The following NTNG1 variants were observed in gnomAD, a reference collection of about 807,000 sequenced individuals.
NTNG1 encodes netrin-G1.
NTNG1 carries 16 observed loss-of-function variants against 54.0 expected under a neutral mutation model. The observed-to-expected ratio is 0.30, with a 90% CI of 0.20 to 0.45. The LOEUF (loss-of-function observed/expected upper bound fraction) is 0.45, where lower values mean the gene tolerates loss of function less well. NTNG1 is among the 20% of genes least tolerant of loss of function. The pLI is 1.00. For synonymous variants in NTNG1, 255 were observed against 263.1 expected (o/e 0.97, Z 0.30); for missense variants, 530 against 678.7 (o/e 0.78, Z 2.43).
chr1:107,374,866 G>A (rs1427140908), intron 3 of NTNG1, among the ~76,000 whole-genome samples: 1 of 151,472 alleles, frequency 6.6e-6, no homozygotes, highest in Non-Finnish European at 1.5e-5. Context: ...TAAGTTATTT[G>A]GAAACTGTTA....
At chr1:107,384,197 T>C (rs2088796445) in intron 3 of NTNG1, among the ~76,000 whole-genome samples, 1 of 152,182 alleles carries the variant, frequency 6.6e-6, no homozygotes, top group South Asian at 2.1e-4. Flanking sequence ...TACTCTAGCC[T>C]CCCTTGCAAG....
intron 2 of NTNG1, among the ~76,000 whole-genome samples, chr1:107,292,277 T>C (rs1665655892): frequency 6.6e-6 from 1 of 152,038 alleles, no homozygotes; most frequent in Non-Finnish European, 1.5e-5. Flanking sequence ...CAGATGAAAA[T>C]TCGACTGAGG....
At chr1:107,200,489 C>T (rs1284056233) in intron 2 of NTNG1, among the ~76,000 whole-genome samples, 1 of 9,458 alleles carries the variant, frequency 1.1e-4, no homozygotes, top group African/African-American at 3.8e-4. Flanking sequence ...CATCAGGCTG[C>T]AGGGGAACAT....
intron 2 of NTNG1, among the ~76,000 whole-genome samples, chr1:107,242,675 A>G (rs780094807): frequency 5.3e-5 from 8 of 152,166 alleles, no homozygotes; most frequent in African/African-American, 9.6e-5. Context: ...CTGTATTTTT[A>G]TATAGAAAAT....
chr1:107,308,343 G>A (rs1046406223), intron 2 of NTNG1, among the ~76,000 whole-genome samples: 1 of 152,144 alleles, frequency 6.6e-6, no homozygotes, highest in Admixed American at 6.5e-5. Flanking sequence ...GTGTAAGGAA[G>A]GGGTCCAGTT....
intron 1 of NTNG1, among the ~76,000 whole-genome samples, chr1:107,147,224 A>G (rs77194714): frequency 0.048 from 7,335 of 152,124 alleles, 568 homozygotes; most frequent in African/African-American, 0.17. Context: ...AATTAGTGCC[A>G]TATTATTCTG....
chr1:107,322,928 T>C lies in NTNG1; in HGVS notation c.247-1354T>C, dbSNP rs373495724. 5.9e-5 allele frequency among the ~76,000 whole-genome samples: 9 copies of C among 152,164 alleles called. No individual in the cohort carries two copies. The South Asian group carries it at 1.9e-3, about 32-fold the overall frequency. ...AATGGGAAAGAGAGAGTGAGAGTAT[T>C]AGCTGACTAGGTAGGAGAAAGTTGC... On this transcript the variant is annotated intron_variant, in intron 2 of 7. Transcript: ENST00000370068.
intron 2 of NTNG1, among the ~76,000 whole-genome samples, chr1:107,317,990 T>C (rs889605420): frequency 1.3e-5 from 2 of 152,216 alleles, no homozygotes; most frequent in African/African-American, 4.8e-5. Flanking sequence ...TTCTGACAGA[T>C]GCATAGGTGC....
At chr1:107,146,346 C>G (rs958128718) in intron 1 of NTNG1, among the ~76,000 whole-genome samples, 2 of 152,116 alleles carry the variant, frequency 1.3e-5, no homozygotes, top group South Asian at 4.1e-4. Context: ...CTTATAAAAA[C>G]TAGTAAACAC....
intron 2 of NTNG1, among the ~76,000 whole-genome samples, chr1:107,203,538 T>A (rs1658924399): frequency 6.7e-6 from 1 of 149,944 alleles, no homozygotes; most frequent in African/African-American, 2.4e-5. Context: ...GTTATATGTA[T>A]AGTTATTCTT....
In NTNG1 at chr1:107,251,971, T is replaced by C. The variant is rs559393579; in HGVS notation, c.247-72311T>C. 6.6e-5 allele frequency among the ~76,000 whole-genome samples: 10 copies of C among 152,334 alleles called. No individual in the cohort carries two copies. In the East Asian group the frequency reaches 1.9e-3, roughly 29 times the overall value. ...GTATTTAGTTTAAGAGAGTAGGCTC[T>C]GGAACCAGCCTCCATGGTTTACTTC... On this transcript the variant is annotated intron_variant, in intron 2 of 7. Coordinates refer to ENST00000370068, the MANE Select transcript of NTNG1 (RefSeq NM_001113226.3).
At chr1:107,478,336 C>G (rs1216615839) in intron 7 of NTNG1, among the ~76,000 whole-genome samples, 2 of 152,036 alleles carry the variant, frequency 1.3e-5, no homozygotes, top group Non-Finnish European at 2.9e-5. Flanking sequence ...AAAATATATC[C>G]TGCCAATCCA....
At chr1:107,210,377 G>A (rs148024357) in intron 2 of NTNG1, among the ~76,000 whole-genome samples, 46 of 152,172 alleles carry the variant, frequency 3.0e-4, no homozygotes, top group African/African-American at 5.1e-4. Context: ...GCAGTGGTCC[G>A]GAGAACAGAG....
intron 7 of NTNG1, among the ~76,000 whole-genome samples, chr1:107,439,115 A>G (rs981916899): frequency 6.6e-6 from 1 of 152,202 alleles, no homozygotes; most frequent in Non-Finnish European, 1.5e-5. Flanking sequence ...TCAGAGCTCA[A>G]TAAGAGGAAT....
intron 3 of NTNG1, among the ~76,000 whole-genome samples, chr1:107,381,421 T>C (rs1256816782): frequency 6.7e-6 from 1 of 150,102 alleles, no homozygotes; most frequent in Non-Finnish European, 1.5e-5. Flanking sequence ...TTGCATAAGA[T>C]TAGAACTAGA....
At chr1:107,225,217 A>C (rs775824142) in intron 2 of NTNG1, among the ~76,000 whole-genome samples, 4 of 152,154 alleles carry the variant, frequency 2.6e-5, no homozygotes, top group Non-Finnish European at 4.4e-5. Flanking sequence ...TTCACAGTTA[A>C]GGACTTTGGA....
At chr1:107,384,829 A>G (rs147647313) in intron 3 of NTNG1, among the ~76,000 whole-genome samples, 103 of 152,352 alleles carry the variant, frequency 6.8e-4, no homozygotes, top group African/African-American at 2.4e-3. Flanking sequence ...GTCTGTTGAC[A>G]TGTGGCTGCT....
intron 3 of NTNG1, among the ~76,000 whole-genome samples, chr1:107,392,751 A>G (rs1452503461): frequency 6.6e-6 from 1 of 152,112 alleles, no homozygotes; most frequent in Non-Finnish European, 1.5e-5. Context: ...AGATGACCAA[A>G]TGCACAGCAG....
chr1:107,445,267 C>T (rs531179346), intron 7 of NTNG1, among the ~76,000 whole-genome samples: 2 of 152,216 alleles, frequency 1.3e-5, no homozygotes, highest in East Asian at 3.9e-4. Flanking sequence ...AATGTTTGCT[C>T]AATCATCAGC....
Sources: gnomAD v4.1 joint callset for allele counts (sites outside exome capture counted in the v4.1 genomes callset) on GRCh38, gnomAD v4.1.1 for gene constraint, MANE v1.5 for transcripts, NCBI Gene and HGNC (gene_info 2026-07-23, HGNC 2026-07-21) for gene names.